Variants in SHANK1 observed in about 807,000 individuals in gnomAD.
SHANK1 encodes SH3 and multiple ankyrin repeat domains protein 1.
Under a neutral mutation model 165.6 loss-of-function variants are expected in SHANK1, and 35 were observed. That is an observed-to-expected ratio of 0.21 (90% CI 0.16 to 0.28). The LOEUF is 0.28. Ranked by LOEUF, SHANK1 falls within the 10% of genes least tolerant of loss-of-function variation. SHANK1 has a pLI of 1.00. For synonymous variants in SHANK1, 1,428 were observed against 1,384.8 expected, an observed-to-expected ratio of 1.03 and a Z score of -0.69; for missense variants, 2,681 against 3,036.4, an observed-to-expected ratio of 0.88 and a Z score of 2.75.
At chr19:50,703,332 G>T (rs1415721733) in intron 11 of SHANK1, among the ~76,000 whole-genome samples, 168 bp downstream of exon 11, 4 of 152,140 alleles carry the variant, frequency 2.6e-5, no homozygotes, top group Non-Finnish European at 5.9e-5. Context: ...ACCGGGGGTG[G>T]AGTCGGGACA....
At chr19:50,719,121 G>A (rs2089103769) in intron 1 of SHANK1, among the ~76,000 whole-genome samples, 1 of 150,786 alleles carries the variant, frequency 6.6e-6, no homozygotes, top group African/African-American at 2.4e-5. Flanking sequence ...CCGAGCCCTT[G>A]GCCCCGGAGA....
chr19:50,704,884 C>A (rs148433530), intron 8 of SHANK1, among the ~76,000 whole-genome samples: 1 of 150,668 alleles, frequency 6.6e-6, no homozygotes, highest in African/African-American at 2.4e-5. Context: ...CGCCCCCCGT[C>A]TCTACAAAAA....
intron 23 of SHANK1, among the ~76,000 whole-genome samples, chr19:50,663,940 CTT>C (rs3087079): frequency 4.6e-5 from 5 of 108,902 alleles, no homozygotes; most frequent in East Asian, 4.8e-4. Context: ...CTCTCTCTCT[CTT>C]TTTTTTTTTT....
intron 8 of SHANK1, among the ~76,000 whole-genome samples, chr19:50,705,584 T>G (rs887713631): frequency 2.6e-5 from 4 of 152,208 alleles, no homozygotes; most frequent in African/African-American, 9.6e-5. Flanking sequence ...CTGAGCCCTG[T>G]GGGATGTTGA....
chr19:50,687,917 G>T lies in SHANK1; in HGVS notation c.2308+6C>A. 1 of 1,613,882 alleles carries T rather than the reference G, an allele frequency of 6.2e-7. No individual in the cohort carries two copies. Among genetic ancestry groups the T allele is most frequent in the Non-Finnish European group, 8.5e-7 (1 of 1,179,902 alleles). ...GGGGTGGCTGCGAGAGTGGCCGCAG[G>T]AGCACCTTTCTTGTGCACTGCCTCA... On this transcript the variant is annotated splice_donor_region_variant and intron_variant, in intron 18 of 23. Coordinates refer to ENST00000293441, the MANE Select transcript of SHANK1 (RefSeq NM_016148.5).
chr19:50,667,363 A>G lies in SHANK1; in HGVS notation c.4597T>C (p.Ser1533Pro). ...PRRSVPPSPT[S>P]PRASEENGLP... ...CCGTTCTCTTCGCTGGCCCTCGGGG[A>G]GGTCGGGGAGGGGGGCACGGACCGG... is the stretch of plus-strand genomic sequence containing the variant. Residue 1533 changes from serine to proline, a missense_variant, in exon 23 of 24, where the codon TCC becomes CCC. By Grantham distance (74) the Ser-to-Pro change is moderately conservative (BLOSUM62 -1). This residue lies in a region of SHANK1 where 1,713 missense variants were observed against 1,630.2 expected (regional missense o/e 1.05). Transcript: ENST00000293441. This position sits in a 1 kb window ranked among gnomAD's most constrained non-coding sequence, Gnocchi z 5.7. 1.3e-6 allele frequency: 2 copies of G among 1,492,526 alleles called. No homozygotes were observed. The highest frequency in any genetic ancestry group is 1.9e-5 in the Admixed American group (1 of 53,586). 92.5% of individuals were successfully genotyped at this position (1,492,526 alleles called of 1,614,324 possible).
At chr19:50,715,874 T>C in intron 3 of SHANK1, 144 bp from the exon 4 acceptor site, 1 of 794,934 alleles carries the variant, frequency 1.3e-6, no homozygotes, top group Non-Finnish European at 2.2e-6. Context: ...CCCTGGAACC[T>C]TGGTCTAGGC....
rs1985668462 is a variant in SHANK1, at chr19:50,668,710, A to G, written c.3250T>C (p.Tyr1084His). Reference protein sequence around the residue: ...GGSSQGPALRYFQLPPRAASA... With the variant: ...GGSSQGPALRHFQLPPRAASA... Reference sequence around the variant, plus strand: ...GCCGCCCGCGGGGGCAGCTGGAAATAGCGTAGAGCCGGGCCCTGGGAGGAG... The same window carrying G: ...GCCGCCCGCGGGGGCAGCTGGAAATGGCGTAGAGCCGGGCCCTGGGAGGAG... The change falls in exon 23 of 24, where the codon TAT becomes CAT. Residue 1084 changes from tyrosine (Y) to histidine (H), a missense_variant. Tyr to His is a moderately conservative substitution (Grantham distance 83). Transcript: ENST00000293441. 2 of 1,285,418 alleles carry G rather than the reference A, an allele frequency of 1.6e-6. No individual in the cohort carries two copies. Among genetic ancestry groups the G allele is most frequent in the African/African-American group, 1.6e-5 (1 of 62,352 alleles). The allele number at this position is 1,285,418 out of a possible 1,614,324, so 79.6% of individuals were successfully genotyped here.
Position 50,662,104 on chromosome 19 carries a change from C to T in SHANK1, c.6347G>A (p.Arg2116Gln), listed in dbSNP as rs762076672. 59 of 1,614,050 alleles carry T rather than the reference C, an allele frequency of 3.7e-5. No individual in the cohort carries two copies. Among genetic ancestry groups the T allele is most frequent in the South Asian group, 1.6e-4 (15 of 91,092 alleles). Residue 2116 changes from arginine (R) to glutamine (Q), a missense_variant, in exon 24 of 24, where the codon CGA (arginine) becomes CAA (glutamine). By Grantham distance (43) the Arg-to-Gln change is conservative. Around this residue, in one of 10 missense-constraint regions of SHANK1, gnomAD observed 49 missense variants for 94.2 expected, o/e 0.52. Transcript: ENST00000293441. This position sits in a 1 kb window ranked among gnomAD's most constrained non-coding sequence, Gnocchi z 7.7. ...WLEWLGLAEH[R>Q]AQFLDHEIDG... is the part of the protein sequence containing the mutation. ...GATCTCGTGGTCCAGGAACTGGGCT[C>T]GGTGCTCCGCCAAACCCAGCCACTC...
rs920300131 is a variant in SHANK1, at chr19:50,688,680, T to C, written c.2172+164A>G. Among the ~76,000 whole-genome samples, 3 of 151,950 alleles carry C rather than the reference T, an allele frequency of 2.0e-5. No individual in the cohort carries two copies. Among genetic ancestry groups the C allele is most frequent in the Non-Finnish European group, 2.9e-5 (2 of 67,982 alleles). ...TTGAGATGCCTCAGAGGCCTTTAGA[T>C]GGAATCGCTGGGGAAAGCAGAGGCT... On this transcript the variant is annotated intron_variant, in intron 17 of 23. Coordinates refer to ENST00000293441, the MANE Select transcript of SHANK1 (RefSeq NM_016148.5). The surrounding 1 kb of genome is among the most constrained non-coding windows in gnomAD (Gnocchi z 6.7).
chr19:50,668,094 T>G lies in SHANK1; in HGVS notation c.3866A>C (p.Asp1289Ala). 1 of 1,480,274 alleles carries G rather than the reference T, an allele frequency of 6.8e-7. No individual in the cohort carries two copies. Among genetic ancestry groups the G allele is most frequent in the Non-Finnish European group, 8.9e-7 (1 of 1,120,804 alleles). 91.7% of individuals were successfully genotyped at this position (1,480,274 alleles called of 1,614,324 possible). The change falls in exon 23 of 24, where the codon GAC (aspartate) becomes GCC (alanine). Residue 1289 changes from aspartate (D) to alanine (A), a missense_variant. By Grantham distance (126) the Asp-to-Ala change is moderately radical. This residue lies in a region of SHANK1 where 1,713 missense variants were observed against 1,630.2 expected (regional missense o/e 1.05). Coordinates refer to ENST00000293441, the MANE Select transcript of SHANK1 (RefSeq NM_016148.5). ...GGGCTCGGCGGAGAACATGCCCTCG[T>G]CGATGGATTTGGAGTGGCGCAGCCG... ...GPRLRHSKSI[D>A]EGMFSAEPYL... is the part of the protein sequence containing the mutation.
Position 50,716,830 on chromosome 19 carries a change from TG to T in SHANK1, c.89del (p.Pro30GlnfsTer43). On this transcript the variant is annotated frameshift_variant, in exon 2 of 24. Coordinates refer to ENST00000293441, the MANE Select transcript of SHANK1 (RefSeq NM_016148.5). LOFTEE classifies it high-confidence loss of function. This position sits in a 1 kb window ranked among gnomAD's most constrained non-coding sequence, Gnocchi z 8.4. ...CCCGGGGGCCTCGACCTGGCCCGTC[TG>T]GGGAGCTGTCGGACTCTGAGCCCCC... ...PEGGSESDSS[P>X]DGPGRGPRGT... The T allele has an allele frequency of 6.4e-7, 1 of 1,566,864 alleles. No individual in the cohort carries two copies. The highest frequency in any genetic ancestry group is 8.6e-7 in the Non-Finnish European group (1 of 1,161,398).
At chr19:50,707,209 C>T (rs1420951925) in intron 8 of SHANK1, among the ~76,000 whole-genome samples, 2 of 152,314 alleles carry the variant, frequency 1.3e-5, no homozygotes, top group East Asian at 1.9e-4. Context: ...TGTCTCTTCT[C>T]CTCTACACCA....
At chr19:50,676,997 A>G (rs1986004004) in intron 21 of SHANK1, among the ~76,000 whole-genome samples, 1 of 152,200 alleles carries the variant, frequency 6.6e-6, no homozygotes, top group South Asian at 2.1e-4. Context: ...GAGCTCCAGC[A>G]GCAATTTTGG....
In SHANK1 at chr19:50,712,780, C is replaced by A. The variant is rs867726096; in HGVS notation, c.793-666G>T. ...CCCCCATCATGGGGATGGTCTGCAA[C>A]TGCACCACCCTATATGGCAGGCACG... On this transcript the variant is annotated intron_variant, in intron 6 of 23. Coordinates refer to ENST00000293441, the MANE Select transcript of SHANK1 (RefSeq NM_016148.5). Among the ~76,000 whole-genome samples the A allele has an allele frequency of 2.0e-5, 3 of 152,384 alleles. 1 individual carries two copies. The Middle Eastern group carries it at 0.01, about 518-fold the overall frequency.
chr19:50,716,651 G>C lies in SHANK1; in HGVS notation c.255+14C>G, dbSNP rs748174313. Reference sequence around the variant, plus strand: ...TGTCCCTCTCCTGCCGCTGGCCAGTGGGCAGGTACTCACTGTCTGGTGCAG... The same window carrying C: ...TGTCCCTCTCCTGCCGCTGGCCAGTCGGCAGGTACTCACTGTCTGGTGCAG... On this transcript the variant is annotated intron_variant, in intron 2 of 23. Coordinates refer to ENST00000293441, the MANE Select transcript of SHANK1 (RefSeq NM_016148.5). The surrounding 1 kb of genome is among the most constrained non-coding windows in gnomAD (Gnocchi z 8.4). 10 of 1,558,416 alleles carry C rather than the reference G, an allele frequency of 6.4e-6. No homozygotes were observed. The highest frequency in any genetic ancestry group is 7.8e-6 in the Non-Finnish European group (9 of 1,150,920).
rs946300650 is a variant in SHANK1 at position 50,660,557 on chromosome 19, G to C, written c.*1408C>G. Among the ~76,000 whole-genome samples, 3 of 152,100 alleles carry C rather than the reference G, an allele frequency of 2.0e-5. No individual in the cohort carries two copies. Among genetic ancestry groups the C allele is most frequent in the African/African-American group, 7.2e-5 (3 of 41,408 alleles). On this transcript the variant is annotated 3_prime_UTR_variant, in exon 24 of 24. Transcript: ENST00000293441. ...AAGCGTGTCAGGAAAAGAAATGACA[G>C]TTACAGCCCAAGAGTGCATGGAATG...
In SHANK1 at chr19:50,688,182, C is replaced by G; in HGVS notation, c.2173-124G>C. On this transcript the variant is annotated intron_variant, in intron 17 of 23. Coordinates refer to ENST00000293441, the MANE Select transcript of SHANK1 (RefSeq NM_016148.5). The surrounding 1 kb of genome is among the most constrained non-coding windows in gnomAD (Gnocchi z 6.7). ...CCATGGCCCTCTGGGCTATGTTCCT[C>G]TCCCTCCGACCCTTCATACCACCGC... is the stretch of plus-strand genomic sequence containing the variant. The G allele has an allele frequency of 1.7e-6, 2 of 1,200,624 alleles. No homozygotes were observed. Among genetic ancestry groups the G allele is most frequent in the Non-Finnish European group, 2.4e-6 (2 of 847,994 alleles). 74.4% of individuals were successfully genotyped at this position (1,200,624 alleles called of 1,614,324 possible). A position where few individuals can be genotyped will look rare whatever the true frequency, so the allele number is the denominator to read the frequency against.
chr19:50,703,338 G>A (rs1325159690), intron 11 of SHANK1, among the ~76,000 whole-genome samples, 162 bp downstream of exon 11: 1 of 152,130 alleles, frequency 6.6e-6, no homozygotes, highest in Non-Finnish European at 1.5e-5. Flanking sequence ...GGTGGAGTCG[G>A]GACAGTAGCT....
Sources: allele counts gnomAD v4.1 joint callset (sites outside exome capture counted in the v4.1 genomes callset), GRCh38; gene constraint gnomAD v4.1.1; regional missense constraint gnomAD v4.1.1; non-coding constraint Gnocchi (gnomAD v3.1); transcripts MANE v1.5; gene names NCBI Gene and HGNC (gene_info 2026-07-23, HGNC 2026-07-21).